The following DNAH17 variants were observed in gnomAD, a reference collection of about 807,000 sequenced individuals.
The protein encoded by DNAH17 is axonemal beta dynein heavy chain 17.
In DNAH17, 376 loss-of-function variants were observed where a neutral mutation model predicts 485.6. The observed-to-expected ratio is 0.77, with a 90% confidence interval of 0.71 to 0.84. The LOEUF (loss-of-function observed/expected upper bound fraction) is 0.84, where lower values mean the gene tolerates loss of function less well. DNAH17 is among the 40% of genes least tolerant of loss of function. DNAH17 has a pLI of 0.00. For missense variants in DNAH17, 6,370 were observed against 5,839.3 expected, an observed-to-expected ratio of 1.09 and a Z score of -2.96; for synonymous variants, 3,031 against 2,405.9, an observed-to-expected ratio of 1.26 and a Z score of -7.60.
chr17:78,445,542 A>C lies in DNAH17; in HGVS notation c.11334+16T>G. ...GCGGGGAGAAAGCACAACGTGTTCA[A>C]CGTCTAAAGACGAACCTTGATCCCG... On this transcript the variant is annotated intron_variant, in intron 70 of 80. Transcript: ENST00000389840. 1 of 1,559,028 alleles carries C rather than the reference A, an allele frequency of 6.4e-7. No individual in the cohort carries two copies. Among genetic ancestry groups the C allele is most frequent in the Non-Finnish European group, 8.7e-7 (1 of 1,151,024 alleles).
At chr17:78,531,612 A>C (rs1298309975) in intron 20 of DNAH17, among the ~76,000 whole-genome samples, 1 of 152,166 alleles carries the variant, frequency 6.6e-6, no homozygotes, top group Non-Finnish European at 1.5e-5. Flanking sequence ...TGCTGGTATC[A>C]CAGGCGTGAG....
chr17:78,460,172 G>A lies in DNAH17; in HGVS notation c.9425C>T (p.Thr3142Ile), dbSNP rs1396760884. 2 of 1,606,622 alleles carry A rather than the reference G, an allele frequency of 1.2e-6. No individual in the cohort carries two copies. Among genetic ancestry groups the A allele is most frequent in the Non-Finnish European group, 1.7e-6 (2 of 1,176,110 alleles). ...ALLAAQEALDTLNKNNLTELK... is the reference protein window; with the variant it reads ...ALLAAQEALDILNKNNLTELK... ...TCCCTCCCCCTTTACCTTATTCAGA[G>A]TGTCCAGAGCCTCCTGGGCTGCCAG... Residue 3142 changes from threonine (T) to isoleucine (I), a missense_variant, in exon 59 of 81, where the codon ACT becomes ATT. By Grantham distance (89) the Thr-to-Ile change is moderately conservative. Coordinates refer to ENST00000389840, the MANE Select transcript of DNAH17 (RefSeq NM_173628.4).
intron 54 of DNAH17, among the ~76,000 whole-genome samples, chr17:78,471,918 C>G (rs2088770569): frequency 6.6e-6 from 1 of 152,212 alleles, no homozygotes; most frequent in African/African-American, 2.4e-5. Flanking sequence ...GCCTCATCCC[C>G]AGGTATCTCA....
intron 78 of DNAH17, 22 bp downstream of exon 78, chr17:78,426,904 G>A: frequency 6.3e-7 from 1 of 1,583,780 alleles, no homozygotes; most frequent in Non-Finnish European, 8.6e-7. Flanking sequence ...ACGTCCCTGG[G>A]GCCGGGCTGA....
Position 78,526,989 on chromosome 17 carries a change from G to C in DNAH17, c.3515C>G (p.Pro1172Arg). 6.3e-7 allele frequency: 1 copy of C among 1,574,940 alleles called. No individual in the cohort carries two copies. Among genetic ancestry groups the C allele is most frequent in the Non-Finnish European group, 8.6e-7 (1 of 1,160,230 alleles). The change falls in exon 23 of 81, where the codon CCG (proline) becomes CGG (arginine). Residue 1172 changes from proline to arginine, a missense_variant. Pro to Arg is a moderately radical substitution (Grantham distance 103, BLOSUM62 -2). Transcript: ENST00000389840. The stretch of plus-strand genomic sequence containing the variant: ...TTTCTTGGTATTTGCCCAGTGCTCC[G>C]GCAGCTCCTGCGGGAAGCAAAGGCA... ...EEIHLKLQEL[P>R]EHWANTKKLA...
chr17:78,478,244 TCACCACCATCAC>T (rs1274012299), intron 51 of DNAH17, among the ~76,000 whole-genome samples: 1 of 130,298 alleles, frequency 7.7e-6, no homozygotes, highest in Non-Finnish European at 1.6e-5. Flanking sequence ...ACCACCATCA[TCACCACCATCAC>T]CATTATCATC....
At chr17:78,561,487 G>A (rs1476890065) in intron 12 of DNAH17, among the ~76,000 whole-genome samples, 1 of 152,120 alleles carries the variant, frequency 6.6e-6, no homozygotes, top group South Asian at 2.1e-4. Context: ...ATGTCTACCA[G>A]GCTGGTGGGC....
intron 44 of DNAH17, among the ~76,000 whole-genome samples, chr17:78,487,188 T>G (rs906398287): frequency 6.6e-6 from 1 of 152,148 alleles, no homozygotes; most frequent in South Asian, 2.1e-4. Flanking sequence ...CTGCCCAGGC[T>G]TGAGTCAGCT....
chr17:78,458,885 T>G (rs1598483563), intron 61 of DNAH17, 116 bp downstream of exon 61: 3 of 1,241,638 alleles, frequency 2.4e-6, no homozygotes, highest in Non-Finnish European at 3.5e-6. Context: ...CCTCTTGCAC[T>G]GCTGAATAAT....
Position 78,486,253 on chromosome 17 carries a change from C to T in DNAH17, c.7072G>A (p.Ala2358Thr). The change falls in exon 45 of 81, where the codon GCC (alanine) becomes ACC (threonine). Residue 2358 changes from alanine to threonine, a missense_variant. Transcript: ENST00000389840. ...ELYFVFTCFW[A>T]FGGAMFQDQL... ...TCCTGGAACATGGCGCCACCGAAGG[C>T]CCAGAAGCAGGTGAACACGAAGTAC... 2 of 1,597,328 alleles carry T rather than the reference C, an allele frequency of 1.3e-6. No homozygotes were observed. Among genetic ancestry groups the T allele is most frequent in the Non-Finnish European group, 1.7e-6 (2 of 1,168,962 alleles).
Position 78,480,735 on chromosome 17 carries a change from C to A in DNAH17, c.7701G>T (p.Val2567=). 1 of 1,613,804 alleles carries A rather than the reference C, an allele frequency of 6.2e-7. No homozygotes were observed. ...TLKDIHNCQY[V]ACMNPTSGSF... is the part of the protein sequence containing the mutation. ...ATCCGGAAGTGGGGTTCATGCAGGC[C>A]ACGTACTGACAATTATGGATATCTT... Residue 2567 remains valine, a synonymous_variant, in exon 49 of 81, where the codon GTG becomes GTT. Transcript: ENST00000389840.
chr17:78,545,565 CT>C (rs753694784), intron 16 of DNAH17, among the ~76,000 whole-genome samples: 1 of 152,162 alleles, frequency 6.6e-6, no homozygotes, highest in Non-Finnish European at 1.5e-5. Flanking sequence ...CACGAATCTC[CT>C]TCGTGATGGC....
At chr17:78,510,363 A>AG in intron 27 of DNAH17, 21 bp downstream of exon 27, 1 of 1,610,666 alleles carries the variant, frequency 6.2e-7, no homozygotes, top group African/African-American at 1.3e-5. Flanking sequence ...TTGCACAGAC[A>AG]GCACCGCCAG....
chr17:78,520,070 C>T (rs1370982421), intron 25 of DNAH17, among the ~76,000 whole-genome samples: 2 of 151,862 alleles, frequency 1.3e-5, no homozygotes, highest in African/African-American at 4.8e-5. Context: ...AAAATCACAC[C>T]ACTGCACTCC....
chr17:78,446,792 T>C (rs2087324691), intron 69 of DNAH17, among the ~76,000 whole-genome samples: 1 of 152,056 alleles, frequency 6.6e-6, no homozygotes, highest in Non-Finnish European at 1.5e-5. Context: ...TACAGGTGTG[T>C]GCCACCATGC....
intron 49 of DNAH17, 67 bp downstream of exon 49, chr17:78,480,615 CCT>C: frequency 7.4e-7 from 1 of 1,356,482 alleles, no homozygotes; most frequent in Non-Finnish European, 1.0e-6. Flanking sequence ...CAAAGCTTTT[CCT>C]CTCATTTGCC....
chr17:78,495,226 C>G lies in DNAH17; in HGVS notation c.5904-129G>C, dbSNP rs578151935. 2.4e-6 allele frequency: 3 copies of G among 1,255,666 alleles called. No homozygotes were observed. In the South Asian group the frequency reaches 5.1e-5, roughly 21 times the overall value. 77.8% of individuals were successfully genotyped at this position (1,255,666 alleles called of 1,614,324 possible). On this transcript the variant is annotated intron_variant, in intron 38 of 80. Coordinates refer to ENST00000389840, the MANE Select transcript of DNAH17 (RefSeq NM_173628.4). ...AGACCACAGCAGAGTGTTGAACCTTCGGTCCTGGAGCCGGGCTCCCAGCCC... is the reference window on the plus strand; with the variant it reads ...AGACCACAGCAGAGTGTTGAACCTTGGGTCCTGGAGCCGGGCTCCCAGCCC...
At position 78,495,871 on chromosome 17, in the gene DNAH17, G is replaced by A. The variant is rs776349447; in HGVS notation, c.5903+4C>T. On this transcript the variant is annotated splice_donor_region_variant and intron_variant, in intron 38 of 80. Coordinates refer to ENST00000389840, the MANE Select transcript of DNAH17 (RefSeq NM_173628.4). ...AGCCACTCACTTTCACCTGGGCCAC[G>A]TACCTGAATAAGGCTTTTAGGTTCT... 7.9e-5 allele frequency: 128 copies of A among 1,610,362 alleles called. No individual in the cohort carries two copies. Among genetic ancestry groups the A allele is most frequent in the South Asian group, 3.4e-4 (31 of 90,782 alleles).
chr17:78,477,045 C>T (rs868016857), intron 51 of DNAH17, among the ~76,000 whole-genome samples: 4 of 152,194 alleles, frequency 2.6e-5, no homozygotes, highest in Non-Finnish European at 5.9e-5. Context: ...AGCAGGTGAC[C>T]GATGCCATAG....
Sources: gnomAD v4.1 joint callset for allele counts (sites outside exome capture counted in the v4.1 genomes callset) on GRCh38, gnomAD v4.1.1 for gene constraint, MANE v1.5 for transcripts, NCBI Gene and HGNC (gene_info 2026-07-23, HGNC 2026-07-21) for gene names.